Variants in HS3ST5 observed in about 807,000 individuals in gnomAD.
The protein encoded by HS3ST5 is heparan sulfate-glucosamine 3-sulfotransferase 5, also known as heparan sulfate glucosamine 3-O-sulfotransferase 5.
Under a neutral mutation model 25.4 loss-of-function variants are expected in HS3ST5, and 10 were observed. The observed-to-expected ratio is 0.39, with a 90% CI of 0.24 to 0.67. The LOEUF (loss-of-function observed/expected upper bound fraction) is 0.67. HS3ST5 is among the 30% of genes least tolerant of loss of function. The pLI is 0.44. For missense variants in HS3ST5, 324 were observed against 420.7 expected (o/e 0.77, Z 2.01); for synonymous variants, 170 against 162.4 (o/e 1.05, Z -0.36).
chr6:114,163,131 C>A (rs1199604275), intron 3 of HS3ST5, among the ~76,000 whole-genome samples: 2 of 152,098 alleles, frequency 1.3e-5, no homozygotes, highest in Non-Finnish European at 2.9e-5. Context: ...TGTGGTATTT[C>A]AGAGCAGCAA....
intron 1 of HS3ST5, among the ~76,000 whole-genome samples, chr6:114,341,171 G>GGAGGGAGAGAGAGGGA (rs1776821516): frequency 2.4e-5 from 2 of 82,634 alleles, no homozygotes; most frequent in African/African-American, 1.1e-4. Flanking sequence ...GGGGAGGGAG[G>GGAGGGAGAGAGAGGGA]GAGGGAGAGG....
intron 1 of HS3ST5, among the ~76,000 whole-genome samples, chr6:114,245,343 C>A (rs559419367): frequency 1.1e-4 from 17 of 151,984 alleles, no homozygotes; most frequent in Non-Finnish European, 2.4e-4. Context: ...ACATCCTAAC[C>A]CACAGTTATG....
At chr6:114,250,963 A>C (rs1206890698) in intron 1 of HS3ST5, among the ~76,000 whole-genome samples, 1 of 152,230 alleles carries the variant, frequency 6.6e-6, no homozygotes, top group Admixed American at 6.5e-5. Flanking sequence ...AATGGGAAGA[A>C]AGTCTATCTA....
chr6:114,169,912 T>C (rs1779396783), intron 2 of HS3ST5, among the ~76,000 whole-genome samples: 1 of 152,252 alleles, frequency 6.6e-6, no homozygotes, highest in Non-Finnish European at 1.5e-5. Flanking sequence ...TAAATTGCCC[T>C]TTCAGTCACC....
chr6:114,291,755 C>T lies in HS3ST5; in HGVS notation c.-339+50440G>A, dbSNP rs1774587915. On this transcript the variant is annotated intron_variant, in intron 1 of 4. Transcript: ENST00000312719. ...CTTCATTCAGCATTTGTTATCAGTT[C>T]CTTAAATAAAGGCAAAAAGAGCTTC... Among the ~76,000 whole-genome samples, 5 of 152,278 alleles carry T rather than the reference C, an allele frequency of 3.3e-5. No individual in the cohort carries two copies. In the South Asian group the frequency reaches 1.0e-3, roughly 32 times the overall value.
intron 3 of HS3ST5, chr6:114,167,477 T>C (rs1779272885): frequency 2.0e-5 from 3 of 152,200 alleles, no homozygotes; most frequent in Admixed American, 6.5e-5. Context: ...AGATGCATAG[T>C]ATTATTATCC....
chr6:114,203,152 ACCT>A (rs1279552077), intron 2 of HS3ST5, among the ~76,000 whole-genome samples: 2 of 152,064 alleles, frequency 1.3e-5, no homozygotes, highest in Non-Finnish European at 2.9e-5. Context: ...GCCAAGGGAA[ACCT>A]CCCCTTTTCC....
intron 1 of HS3ST5, among the ~76,000 whole-genome samples, chr6:114,297,255 T>C (rs1022747715): frequency 3.9e-5 from 6 of 151,988 alleles, no homozygotes; most frequent in African/African-American, 1.5e-4. Flanking sequence ...ACAAAAATAA[T>C]GCAACACAAG....
intron 3 of HS3ST5, among the ~76,000 whole-genome samples, chr6:114,071,088 A>G (rs957855814): frequency 6.6e-6 from 1 of 152,210 alleles, no homozygotes; most frequent in Non-Finnish European, 1.5e-5. Context: ...CAAGGCCTAC[A>G]TATGCAAACT....
intron 1 of HS3ST5, among the ~76,000 whole-genome samples, chr6:114,316,024 C>A (rs1199196691): frequency 2.0e-5 from 3 of 152,192 alleles, no homozygotes; most frequent in Non-Finnish European, 4.4e-5. Flanking sequence ...TCACCACAAG[C>A]TGCCAAGGCT....
At chr6:114,103,198 T>A (rs1244867401) in intron 3 of HS3ST5, among the ~76,000 whole-genome samples, 1 of 152,134 alleles carries the variant, frequency 6.6e-6, no homozygotes, top group African/African-American at 2.4e-5. Context: ...AAACTTTTAA[T>A]AAGTATGAAT....
At chr6:114,341,477 G>A (rs1166559476) in intron 1 of HS3ST5, among the ~76,000 whole-genome samples, 1 of 152,128 alleles carries the variant, frequency 6.6e-6, no homozygotes, top group Non-Finnish European at 1.5e-5. Context: ...CCTAAACCAA[G>A]GTGGTCGCCC....
rs778933658 is a variant in HS3ST5, at chr6:114,062,764, C to A, written c.82G>T (p.Val28Phe). ...SLAVGSLLYL[V>F]ARVGSLDRLQ... is the part of the protein sequence containing the mutation. The stretch of plus-strand genomic sequence containing the variant: ...CTATCCAAGCTCCCAACTCTGGCGA[C>A]TAGATACAGGAGACTCCCAACGGCA... Residue 28 changes from valine (V) to phenylalanine (F), a missense_variant, in exon 4 of 5, where the codon GTC (valine) becomes TTC (phenylalanine). Val to Phe is a conservative substitution (Grantham distance 50, BLOSUM62 -1). Coordinates refer to ENST00000312719, the MANE Select transcript of HS3ST5 (RefSeq NM_153612.4). 9 of 1,613,830 alleles carry A rather than the reference C, an allele frequency of 5.6e-6. No individual in the cohort carries two copies. Among genetic ancestry groups the A allele is most frequent in the East Asian group, 4.5e-5 (2 of 44,900 alleles).
chr6:114,151,007 A>T (rs1778424311), intron 3 of HS3ST5, among the ~76,000 whole-genome samples: 1 of 152,202 alleles, frequency 6.6e-6, no homozygotes, highest in African/African-American at 2.4e-5. Context: ...TGAATAAAAA[A>T]CCAGAAAGCA....
At chr6:114,320,929 T>C (rs1462286281) in intron 1 of HS3ST5, among the ~76,000 whole-genome samples, 3 of 107,760 alleles carry the variant, frequency 2.8e-5, no homozygotes, top group Admixed American at 8.2e-5. Context: ...TATATATATA[T>C]ATACATATAT....
At chr6:114,193,873 T>C (rs1780618059) in intron 2 of HS3ST5, among the ~76,000 whole-genome samples, 1 of 152,130 alleles carries the variant, frequency 6.6e-6, no homozygotes, top group Admixed American at 6.6e-5. Flanking sequence ...AGAAATCTAT[T>C]CCTGGGGGCA....
intron 1 of HS3ST5, among the ~76,000 whole-genome samples, chr6:114,305,062 T>G (rs936611141): frequency 3.9e-5 from 6 of 152,144 alleles, no homozygotes; most frequent in Non-Finnish European, 5.9e-5. Context: ...TCTATTACAT[T>G]AAAATTCACT....
chr6:114,305,167 T>A (rs994297124), intron 1 of HS3ST5, among the ~76,000 whole-genome samples: 1 of 152,106 alleles, frequency 6.6e-6, no homozygotes, highest in Non-Finnish European at 1.5e-5. Context: ...GTTCTGCAGT[T>A]CTCCTAAATG....
At chr6:114,297,161 C>T (rs1429011529) in intron 1 of HS3ST5, among the ~76,000 whole-genome samples, 1 of 152,072 alleles carries the variant, frequency 6.6e-6, no homozygotes, top group East Asian at 1.9e-4. Context: ...ACAGCTAGCC[C>T]ACAGCAGAGC....
Sources: allele counts gnomAD v4.1 joint callset (sites outside exome capture counted in the v4.1 genomes callset), GRCh38; gene constraint gnomAD v4.1.1; transcripts MANE v1.5; gene names NCBI Gene and HGNC (gene_info 2026-07-23, HGNC 2026-07-21).